The following ACOX3 variants were observed in gnomAD, a reference collection of about 807,000 sequenced individuals.
ACOX3 encodes acyl-CoA oxidase 3, pristanoyl.
In ACOX3, 73 loss-of-function variants were observed where a neutral mutation model predicts 81.5. The observed-to-expected ratio is 0.90, with a 90% confidence interval of 0.74 to 1.09. ACOX3 has a LOEUF of 1.09. ACOX3 is among the 50% of genes least tolerant of loss of function. The pLI is 0.00. For synonymous variants in ACOX3, 387 were observed against 375.1 expected, an observed-to-expected ratio of 1.03 and a Z score of -0.37; for missense variants, 947 against 928.0, an observed-to-expected ratio of 1.02 and a Z score of -0.27.
rs772802257 is a variant in ACOX3 at position 8,386,141 on chromosome 4, G to A, written c.1537+3032C>T. Among the ~76,000 whole-genome samples, 1 of 152,172 alleles carries A rather than the reference G, an allele frequency of 6.6e-6. No homozygotes were observed. The highest frequency in any genetic ancestry group is 6.5e-5 in the Admixed American group (1 of 15,274). ...TGATGGGCACATGGAGAAGCTGGCT[G>A]TCCCATTTATGTTTTGATTTTATTA... On this transcript the variant is annotated intron_variant, in intron 13 of 17. Transcript: ENST00000356406. The surrounding 1 kb of genome is among the most constrained non-coding windows in gnomAD (Gnocchi z 5.2).
At position 8,419,926 on chromosome 4, in the gene ACOX3, C is replaced by A. The variant is rs973681270; in HGVS notation, c.-14-3391G>T. ...TAACCTCAGTACATTACCAAGTCCA[C>A]AGTGCATCTCTAACACCTTACGGAA... On this transcript the variant is annotated intron_variant, in intron 1 of 17. Transcript: ENST00000356406. The surrounding 1 kb of genome is among the most constrained non-coding windows in gnomAD (Gnocchi z 4.2). 6.6e-6 allele frequency among the ~76,000 whole-genome samples: 1 copy of A among 152,224 alleles called. No individual in the cohort carries two copies. Among genetic ancestry groups the A allele is most frequent in the East Asian group, 1.9e-4 (1 of 5,198 alleles).
chr4:8,361,425 C>CAAAAAAAAAAAAAAAA (rs56251372), downstream of ACOX3, among the ~76,000 whole-genome samples: 16 of 39,026 alleles, frequency 4.1e-4, 1 homozygote, highest in African/African-American at 1.4e-3. Context: ...GACTCTATCT[C>CAAAAAAAAAAAAAAAA]AAAAAAAAAA....
chr4:8,373,942 G>A (rs1024168570), intron 15 of ACOX3: 12 of 430,354 alleles, frequency 2.8e-5, no homozygotes, highest in South Asian at 1.7e-4. Flanking sequence ...GAGGCTGGGC[G>A]GGTTCCTTCC....
intron 14 of ACOX3, among the ~76,000 whole-genome samples, chr4:8,377,512 G>A (rs558202746): frequency 9.8e-5 from 15 of 152,348 alleles, no homozygotes; most frequent in African/African-American, 3.4e-4. Context: ...AAGCCTCAGC[G>A]TTGTCTCCTG....
chr4:8,439,696 A>G lies in ACOX3; in HGVS notation c.-15+952T>C, dbSNP rs1329181481. Among the ~76,000 whole-genome samples the G allele has an allele frequency of 2.0e-5, 3 of 152,364 alleles. No individual in the cohort carries two copies. The East Asian group carries it at 5.8e-4, about 29-fold the overall frequency. On this transcript the variant is annotated intron_variant, in intron 1 of 17. Transcript: ENST00000356406. ...AGGTTTGATCCTAGGTCTTTATTTA[A>G]AAGATAGTTTCCAGCTATAAGAGAA...
the ACOX3 span, among the ~76,000 whole-genome samples, chr4:8,358,952 T>G: frequency 6.6e-6 from 1 of 152,160 alleles, no homozygotes; most frequent in Non-Finnish European, 1.5e-5. Flanking sequence ...CTTTCTTGCG[T>G]GAGATCCAAG....
At chr4:8,439,637 A>G (rs1724474173) in intron 1 of ACOX3, among the ~76,000 whole-genome samples, 2 of 152,256 alleles carry the variant, frequency 1.3e-5, no homozygotes. Context: ...AGGACATGAC[A>G]AAGTTGGCAC....
chr4:8,365,561 C>T (rs983841518), downstream of ACOX3, among the ~76,000 whole-genome samples: 1 of 152,216 alleles, frequency 6.6e-6, no homozygotes, highest in Non-Finnish European at 1.5e-5. Flanking sequence ...CAGTGTCCAG[C>T]CTATTGGGAC....
the ACOX3 span, among the ~76,000 whole-genome samples, chr4:8,360,562 C>T: frequency 7.9e-5 from 12 of 151,786 alleles, 1 homozygote; most frequent in African/African-American, 2.9e-4. Flanking sequence ...AGCTCCGCCT[C>T]CTGGGTTCAT....
Position 8,375,110 on chromosome 4 carries a change from T to A in ACOX3, c.1696A>T (p.Thr566Ser), listed in dbSNP as rs1716767822. The change falls in exon 15 of 18, where the codon ACG (threonine) becomes TCG (serine). Residue 566 changes from threonine (T) to serine (S), a missense_variant. Coordinates refer to ENST00000356406, the MANE Select transcript of ACOX3 (RefSeq NM_003501.3). ...RPLALAFVELTVVQRFHEHVH... is the reference protein window; with the variant it reads ...RPLALAFVELSVVQRFHEHVH... ...TGCTCGTGGAACCTCTGGACCACCG[T>A]GAGCTCCACGAAGGCCAGCGCCAAC... The A allele has an allele frequency of 1.3e-6, 2 of 1,553,644 alleles. No homozygotes were observed. Among genetic ancestry groups the A allele is most frequent in the Non-Finnish European group, 8.7e-7 (1 of 1,148,612 alleles).
At chr4:8,377,524 G>A (rs754057518) in intron 14 of ACOX3, among the ~76,000 whole-genome samples, 2 of 152,234 alleles carry the variant, frequency 1.3e-5, no homozygotes, top group Non-Finnish European at 2.9e-5. Flanking sequence ...TGTCTCCTGC[G>A]TGGTGCTGCT....
intron 11 of ACOX3, among the ~76,000 whole-genome samples, chr4:8,391,170 C>G (rs1470886394): frequency 6.6e-6 from 1 of 152,110 alleles, no homozygotes; most frequent in Non-Finnish European, 1.5e-5. Flanking sequence ...GTTACAAAGA[C>G]AAAAACTACT....
intron 14 of ACOX3, among the ~76,000 whole-genome samples, chr4:8,377,801 G>A (rs1560169948): frequency 6.6e-6 from 1 of 152,194 alleles, no homozygotes; most frequent in Non-Finnish European, 1.5e-5. Context: ...ATGGACTCTG[G>A]CGACCCGGGG....
At position 8,422,923 on chromosome 4, in the gene ACOX3, T is replaced by C. The variant is rs185076965; in HGVS notation, c.-14-6388A>G. Among the ~76,000 whole-genome samples the C allele has an allele frequency of 3.9e-3, 591 of 152,314 alleles. 4 individuals carry two copies. Among genetic ancestry groups the C allele is most frequent in the African/African-American group, 0.014 (574 of 41,580 alleles). On this transcript the variant is annotated intron_variant, in intron 1 of 17. Transcript: ENST00000356406. ...ATGCCCCTCATGTCAAGGGAATCAC[T>C]GGAAGGCCCACTGCCCCAGGGGATG...
chr4:8,435,241 A>C (rs1158216067), intron 1 of ACOX3, among the ~76,000 whole-genome samples: 1 of 152,260 alleles, frequency 6.6e-6, no homozygotes, highest in African/African-American at 2.4e-5. Flanking sequence ...CTATAATCCC[A>C]GCACTTTGGG....
chr4:8,377,494 A>G (rs978489030), intron 14 of ACOX3, among the ~76,000 whole-genome samples: 1 of 152,182 alleles, frequency 6.6e-6, no homozygotes, highest in Non-Finnish European at 1.5e-5. Context: ...AAAAGGCGTC[A>G]TGGCTCCAAG....
chr4:8,413,766 C>T (rs1280480642), intron 5 of ACOX3, among the ~76,000 whole-genome samples: 1 of 152,254 alleles, frequency 6.6e-6, no homozygotes, highest in Non-Finnish European at 1.5e-5. Flanking sequence ...TGCACCACAC[C>T]AGAACTCCCA....
rs1722102167 is a variant in ACOX3, at chr4:8,414,365, G to A, written c.470C>T (p.Ala157Val). ...IFRMEIFGCF[A>V]LTELSHGSNT... ...ACTGCCGTGGCTTAATTCGGTCAGA[G>A]CAAAACATCCAAAAATCTAAATGTC... Residue 157 changes from alanine (A) to valine (V), a missense_variant, in exon 5 of 18, where the codon GCT becomes GTT. By Grantham distance (64) the Ala-to-Val change is moderately conservative (BLOSUM62 0). Coordinates refer to ENST00000356406, the MANE Select transcript of ACOX3 (RefSeq NM_003501.3). The surrounding 1 kb of genome is among the most constrained non-coding windows in gnomAD (Gnocchi z 6.1). The A allele has an allele frequency of 6.2e-7, 1 of 1,614,128 alleles. No individual in the cohort carries two copies. The highest frequency in any genetic ancestry group is 8.5e-7 in the Non-Finnish European group (1 of 1,179,980).
chr4:8,404,147 A>G (rs929476534), intron 7 of ACOX3, among the ~76,000 whole-genome samples: 1 of 152,234 alleles, frequency 6.6e-6, no homozygotes, highest in Non-Finnish European at 1.5e-5. Flanking sequence ...GCCGCATTAC[A>G]TCCTCCAGAT....
Sources: allele counts gnomAD v4.1 joint callset (sites outside exome capture counted in the v4.1 genomes callset), GRCh38; gene constraint gnomAD v4.1.1; non-coding constraint Gnocchi (gnomAD v3.1); transcripts MANE v1.5; gene names NCBI Gene and HGNC (gene_info 2026-07-23, HGNC 2026-07-21).